Variants in MYRFL observed in about 807,000 individuals in gnomAD.
MYRFL encodes myelin regulatory factor like.
A neutral mutation model predicts 109.4 loss-of-function variants in MYRFL; 88 were observed. That is an observed-to-expected ratio of 0.80 (90% CI 0.68 to 0.96). The LOEUF (loss-of-function observed/expected upper bound fraction) is 0.96, where lower values mean the gene tolerates loss of function less well. Ranked by LOEUF, MYRFL falls within the 40% of genes least tolerant of loss-of-function variation. MYRFL has a pLI of 0.00. For synonymous variants in MYRFL, 324 were observed against 320.9 expected (o/e 1.01, Z -0.10); for missense variants, 957 against 954.9 (o/e 1.00, Z -0.03).
In MYRFL at chr12:69,825,452, A is replaced by G; in HGVS notation, c.-66A>G. 5.7e-6 allele frequency: 4 copies of G among 696,694 alleles called. No homozygotes were observed. The highest frequency in any genetic ancestry group is 1.5e-5 in the South Asian group (1 of 66,378). The allele number at this position is 696,694 out of a possible 1,614,324, so 43.2% of individuals were successfully genotyped here. ...TTCGTAGGCTTCGAATCAAAAGGAC[A>G]GTACTTATTTCCTGAGGTCTGATAA... is the stretch of plus-strand genomic sequence containing the variant. On this transcript the variant is annotated 5_prime_UTR_variant, in exon 1 of 25. Transcript: ENST00000552032.
At chr12:69,928,026 G>T (rs1389828433) in intron 15 of MYRFL, among the ~76,000 whole-genome samples, 1 of 152,074 alleles carries the variant, frequency 6.6e-6, no homozygotes, top group Non-Finnish European at 1.5e-5. Flanking sequence ...CAGCAGCCTC[G>T]TCATACAGAT....
intron 2 of MYRFL, among the ~76,000 whole-genome samples, chr12:69,877,187 C>T (rs1358982537): frequency 6.6e-6 from 1 of 151,848 alleles, no homozygotes; most frequent in Admixed American, 6.6e-5. Context: ...CCACGCCTGG[C>T]TCATTTTTTG....
intron 2 of MYRFL, among the ~76,000 whole-genome samples, chr12:69,869,995 A>C (rs1350680577): frequency 2.0e-5 from 3 of 151,958 alleles, no homozygotes; most frequent in Non-Finnish European, 2.9e-5. Context: ...TTCTCCGTTC[A>C]TCCTCCAAAA....
intron 13 of MYRFL, among the ~76,000 whole-genome samples, chr12:69,922,813 A>T (rs552532395): frequency 5.3e-5 from 8 of 152,332 alleles, no homozygotes; most frequent in African/African-American, 1.7e-4. Flanking sequence ...AAACAAATAC[A>T]TGCAATAGTT....
chr12:69,854,356 G>A (rs1331371265), intron 1 of MYRFL, among the ~76,000 whole-genome samples: 1 of 149,772 alleles, frequency 6.7e-6, no homozygotes, highest in East Asian at 2.0e-4. Context: ...GGAGGGAGAG[G>A]GAGAGGGAGA....
At chr12:69,902,384 T>G (rs1954223340) in intron 10 of MYRFL, among the ~76,000 whole-genome samples, 1 of 152,190 alleles carries the variant, frequency 6.6e-6, no homozygotes, top group South Asian at 2.1e-4. Flanking sequence ...ACAAAAACAC[T>G]CAAACAATAC....
At chr12:69,876,478 A>T (rs1885670971) in intron 2 of MYRFL, among the ~76,000 whole-genome samples, 1 of 151,966 alleles carries the variant, frequency 6.6e-6, no homozygotes, top group Admixed American at 6.5e-5. Flanking sequence ...GAAGGGGGAA[A>T]AAAAAACGAA....
intron 5 of MYRFL, among the ~76,000 whole-genome samples, chr12:69,881,559 C>T (rs1165298167): frequency 6.6e-6 from 1 of 152,196 alleles, no homozygotes; most frequent in African/African-American, 2.4e-5. Context: ...TCTGAGGGAC[C>T]TTTGGCGTCA....
intron 2 of MYRFL, among the ~76,000 whole-genome samples, chr12:69,874,922 A>G (rs1885565676): frequency 6.6e-6 from 1 of 151,486 alleles, no homozygotes. Flanking sequence ...CGGTAGATGT[A>G]TTTATTTTGC....
chr12:69,900,506 A>T (rs1954146181), intron 10 of MYRFL, among the ~76,000 whole-genome samples: 1 of 152,200 alleles, frequency 6.6e-6, no homozygotes, highest in Non-Finnish European at 1.5e-5. Context: ...TAGGTCAGGG[A>T]TGCCTGAGAA....
chr12:69,897,232 A>T lies in MYRFL; in HGVS notation c.1168A>T (p.Arg390Trp). The T allele has an allele frequency of 3.3e-6, 5 of 1,535,766 alleles. No individual in the cohort carries two copies. The highest frequency in any genetic ancestry group is 4.4e-6 in the Non-Finnish European group (5 of 1,146,580). Residue 390 changes from arginine to tryptophan, a missense_variant, in exon 10 of 25, where the codon AGG becomes TGG. Coordinates refer to ENST00000552032, the MANE Select transcript of MYRFL (RefSeq NM_182530.3). The stretch of plus-strand genomic sequence containing the variant: ...TCTGTTGTCTGCCCACATCTCTGAA[A>T]GGATCATTGTAAGGGTAAGCTCAGT... ...FYLLSAHISE[R>W]IIVRASNPGQ... is the part of the protein sequence containing the mutation.
At chr12:69,934,591 C>CTGA (rs966954649) in intron 16 of MYRFL, among the ~76,000 whole-genome samples, 1 of 152,136 alleles carries the variant, frequency 6.6e-6, no homozygotes, top group Non-Finnish European at 1.5e-5. Context: ...TGAGGTCACA[C>CTGA]TGATGATTGA....
chr12:69,935,198 T>TG (rs34965126), intron 16 of MYRFL, among the ~76,000 whole-genome samples: 19,490 of 152,038 alleles, frequency 0.13, 1,861 homozygotes, highest in East Asian at 0.47. Flanking sequence ...CAGTTTTTTT[T>TG]TGTGTATCCT....
At chr12:69,936,997 A>AACTG (rs1333576973) in intron 19 of MYRFL, among the ~76,000 whole-genome samples, 1 of 152,192 alleles carries the variant, frequency 6.6e-6, no homozygotes, top group Non-Finnish European at 1.5e-5. Flanking sequence ...TCTCTGCCTA[A>AACTG]ACTGACTAGG....
chr12:69,915,883 G>A (rs1354166083), intron 13 of MYRFL, among the ~76,000 whole-genome samples: 1 of 151,920 alleles, frequency 6.6e-6, no homozygotes, highest in Non-Finnish European at 1.5e-5. Context: ...CATTTTTTGA[G>A]CATTATTATT....
At chr12:69,944,818 G>A (rs1259695030) in intron 19 of MYRFL, among the ~76,000 whole-genome samples, 2 of 152,142 alleles carry the variant, frequency 1.3e-5, no homozygotes, top group Non-Finnish European at 2.9e-5. Flanking sequence ...CAAGGCGTGT[G>A]TATACCTATG....
intron 19 of MYRFL, among the ~76,000 whole-genome samples, chr12:69,950,123 A>G (rs1212236435): frequency 1.3e-5 from 2 of 149,120 alleles, no homozygotes; most frequent in African/African-American, 4.9e-5. Context: ...TTTTTTTTTT[A>G]TAAGTTTTGC....
At chr12:69,926,458 G>T in intron 13 of MYRFL, 113 bp from the exon 14 acceptor site, 1 of 850,434 alleles carries the variant, frequency 1.2e-6, no homozygotes, top group Non-Finnish European at 1.6e-6. Context: ...AGATGTGTGT[G>T]TCTGTAACCA....
At position 69,868,967 on chromosome 12, in the gene MYRFL, C is replaced by T. The variant is rs113793118; in HGVS notation, c.138-10061C>T. Among the ~76,000 whole-genome samples, 21 of 152,130 alleles carry T rather than the reference C, an allele frequency of 1.4e-4. No individual in the cohort carries two copies. The South Asian group carries it at 2.3e-3, about 17-fold the overall frequency. ...ATGCACTCACACATGCCCACATGTG[C>T]GTGCACACATGCACTCACACATGCA... On this transcript the variant is annotated intron_variant, in intron 2 of 24. Transcript: ENST00000552032.
Sources: allele counts gnomAD v4.1 joint callset (sites outside exome capture counted in the v4.1 genomes callset), GRCh38; gene constraint gnomAD v4.1.1; transcripts MANE v1.5; gene names NCBI Gene and HGNC (gene_info 2026-07-23, HGNC 2026-07-21).